Variants in FBXW4 observed in about 807,000 individuals in gnomAD.
FBXW4 encodes the protein F-box/WD repeat-containing protein 4.
A neutral mutation model predicts 61.8 loss-of-function variants in FBXW4; 40 were observed. The observed-to-expected ratio is 0.65, with a 90% CI of 0.50 to 0.84. The LOEUF (loss-of-function observed/expected upper bound fraction) is 0.84. Among genes scored for constraint, FBXW4 ranks in the 40% least tolerant of loss-of-function variants. The pLI, the probability that FBXW4 is intolerant of heterozygous loss-of-function variation, is 0.00. For missense variants in FBXW4, 672 were observed against 753.8 expected (o/e 0.89, Z 1.27); for synonymous variants, 311 against 313.8 (o/e 0.99, Z 0.10).
At position 101,681,388 on chromosome 10, in the gene FBXW4, CA is replaced by C. The variant is rs769305940; in HGVS notation, c.726-4953del. ...GGGCGACAAGAGCGAAACTCCGTCT[CA>C]AAAAAAAAAAATAATAATAATAATA... On this transcript the variant is annotated intron_variant, in intron 1 of 8. Coordinates refer to ENST00000331272, the MANE Select transcript of FBXW4 (RefSeq NM_022039.4). 8.1e-3 allele frequency among the ~76,000 whole-genome samples: 1,093 copies of C among 134,174 alleles called. 14 individuals are homozygous for C. Among genetic ancestry groups the C allele is most frequent in the African/African-American group, 0.027 (949 of 35,000 alleles). The allele number at this position is 134,174 out of a possible 152,430, so 88.0% of individuals were successfully genotyped here. A position where few individuals can be genotyped will look rare whatever the true frequency, so the allele number is the denominator to read the frequency against.
chr10:101,681,482 C>T (rs2064475565), intron 1 of FBXW4, among the ~76,000 whole-genome samples: 1 of 150,540 alleles, frequency 6.6e-6, no homozygotes, highest in South Asian at 2.1e-4. Flanking sequence ...CTTTGGGAGG[C>T]CGAGGCAGGC....
intron 5 of FBXW4, among the ~76,000 whole-genome samples, chr10:101,656,709 C>T (rs948792417): frequency 9.2e-5 from 14 of 152,270 alleles, no homozygotes; most frequent in Non-Finnish European, 2.1e-4. Context: ...GAGGAAGAGG[C>T]AGCAGGGCAA....
At chr10:101,653,905 G>A (rs892400453) in intron 5 of FBXW4, among the ~76,000 whole-genome samples, 3 of 151,896 alleles carry the variant, frequency 2.0e-5, no homozygotes, top group African/African-American at 7.3e-5. Context: ...GGTGGATCAC[G>A]AGGTCAAGAG....
chr10:101,651,123 C>T (rs1186257698), intron 5 of FBXW4, among the ~76,000 whole-genome samples: 2 of 152,160 alleles, frequency 1.3e-5, no homozygotes, highest in Non-Finnish European at 2.9e-5. Context: ...AGTCTCTGAG[C>T]CCCCAGCTCT....
At chr10:101,676,562 G>C (rs1419366733) in intron 1 of FBXW4, 126 bp from the exon 2 acceptor site, 1 of 672,526 alleles carries the variant, frequency 1.5e-6, no homozygotes, top group Non-Finnish European at 2.5e-6. Flanking sequence ...AGGAGACCAG[G>C]AAGGAGTAAC....
intron 5 of FBXW4, among the ~76,000 whole-genome samples, chr10:101,646,527 G>A (rs569583068): frequency 1.3e-5 from 2 of 152,356 alleles, no homozygotes; most frequent in African/African-American, 2.4e-5. Context: ...CAACAAAGCC[G>A]GGGCTTGTTG....
In FBXW4 at chr10:101,695,016, C is replaced by G. The variant is rs962953514; in HGVS notation, c.90G>C (p.Arg30Ser). ...CCTTCCTTCGCTTCCCCCTCGCCAC[C>G]CTCCCTTCCTGCAGCTTCCTCGCCT... is the stretch of plus-strand genomic sequence containing the variant. Reference protein sequence around the residue: ...GGEARKLQEGRVARGKRRKGK... With the variant: ...GGEARKLQEGSVARGKRRKGK... Residue 30 changes from arginine (R) to serine (S), a missense_variant, in exon 1 of 9, where the codon AGG (arginine) becomes AGC (serine). Physicochemically the swap from Arg to Ser is moderately radical, Grantham distance 110. Around this residue, in one of 5 missense-constraint regions of FBXW4, gnomAD observed 38 missense variants for 43.3 expected, o/e 0.88. Transcript: ENST00000331272. The surrounding 1 kb of genome is among the most constrained non-coding windows in gnomAD (Gnocchi z 4.2). 2 of 1,072,588 alleles carry G rather than the reference C, an allele frequency of 1.9e-6. No homozygotes were observed. Among genetic ancestry groups the G allele is most frequent in the East Asian group, 5.9e-5 (1 of 17,056 alleles). The allele number at this position is 1,072,588 out of a possible 1,614,324, so 66.4% of individuals were successfully genotyped here. A position where few individuals can be genotyped will look rare whatever the true frequency, so the allele number is the denominator to read the frequency against.
In FBXW4 at chr10:101,694,767, T is replaced by C. The variant is rs2064658770; in HGVS notation, c.339A>G (p.Gln113=). 2.2e-6 allele frequency: 3 copies of C among 1,350,740 alleles called. No homozygotes were observed. Among genetic ancestry groups the C allele is most frequent in the South Asian group, 1.9e-5 (1 of 53,508 alleles). The allele number at this position is 1,350,740 out of a possible 1,614,324, so 83.7% of individuals were successfully genotyped here. A position where few individuals can be genotyped will look rare whatever the true frequency, so the allele number is the denominator to read the frequency against. The change falls in exon 1 of 9, where the codon CAA becomes CAG. Residue 113 remains glutamine, a synonymous_variant. Coordinates refer to ENST00000331272, the MANE Select transcript of FBXW4 (RefSeq NM_022039.4). The surrounding 1 kb of genome is among the most constrained non-coding windows in gnomAD (Gnocchi z 6.0). ...EGSAGAGKEA[Q]GREYGKKEEW... is the part of the protein sequence containing the mutation. ...CCTCCTTCTTCCCATACTCTCTTCC[T>C]TGTGCCTCCTTCCCGGCCCCTGCGC...
At chr10:101,675,394 T>C (rs2064397878) in intron 2 of FBXW4, among the ~76,000 whole-genome samples, 1 of 152,146 alleles carries the variant, frequency 6.6e-6, no homozygotes, top group African/African-American at 2.4e-5. Context: ...GGCAGCCTGG[T>C]AACTGTTCTG....
intron 5 of FBXW4, chr10:101,625,190 G>C (rs1333102557): frequency 8.4e-6 from 2 of 237,636 alleles, no homozygotes; most frequent in East Asian, 2.0e-4. Flanking sequence ...ACAGAAAAGG[G>C]CTCCAGGGAA....
At chr10:101,684,418 G>A (rs907047913) in intron 1 of FBXW4, among the ~76,000 whole-genome samples, 2 of 152,106 alleles carry the variant, frequency 1.3e-5, no homozygotes, top group African/African-American at 2.4e-5. Flanking sequence ...GAGCCACTGC[G>A]CCTGGCCTAC....
At chr10:101,668,070 G>T in intron 4 of FBXW4, 90 bp from the exon 5 acceptor site, 1 of 957,938 alleles carries the variant, frequency 1.0e-6, no homozygotes, top group Non-Finnish European at 1.7e-6. Context: ...GTTGGAGGTG[G>T]AGAAATGGGG....
intron 2 of FBXW4, 58 bp downstream of exon 2, chr10:101,676,283 A>G: frequency 6.8e-7 from 1 of 1,464,570 alleles, no homozygotes; most frequent in South Asian, 1.2e-5. Flanking sequence ...CAGATTTTTT[A>G]CTTTCCATTA....
intron 5 of FBXW4, among the ~76,000 whole-genome samples, chr10:101,646,560 C>T (rs1362482590): frequency 6.6e-6 from 1 of 152,240 alleles, no homozygotes; most frequent in African/African-American, 2.4e-5. Flanking sequence ...CCTTTGCTTG[C>T]TTGGGCTGGG....
At chr10:101,637,424 T>C (rs2064013871) in intron 5 of FBXW4, among the ~76,000 whole-genome samples, 1 of 134,098 alleles carries the variant, frequency 7.5e-6, no homozygotes, top group East Asian at 2.3e-4. Context: ...AAAGCCACCA[T>C]GAGCCAGGCA....
intron 1 of FBXW4, chr10:101,676,688 G>C: frequency 9.2e-6 from 1 of 108,668 alleles, no homozygotes; most frequent in Admixed American, 1.5e-4. Flanking sequence ...GACAATCCTG[G>C]AACCACTGGA....
intron 5 of FBXW4, among the ~76,000 whole-genome samples, chr10:101,657,822 G>A (rs567654653): frequency 1.3e-5 from 2 of 152,174 alleles, no homozygotes; most frequent in East Asian, 3.9e-4. Flanking sequence ...ATTCTTTATT[G>A]TCATCATGTG....
intron 1 of FBXW4, among the ~76,000 whole-genome samples, chr10:101,686,332 G>A (rs2064533108): frequency 6.6e-6 from 1 of 152,140 alleles, no homozygotes; most frequent in South Asian, 2.1e-4. Context: ...ATCCCCAATG[G>A]ACATTGTGAT....
chr10:101,629,061 T>C (rs957489410), intron 5 of FBXW4, among the ~76,000 whole-genome samples: 3 of 152,080 alleles, frequency 2.0e-5, no homozygotes, highest in African/African-American at 7.2e-5. Flanking sequence ...AGTTGAGAGA[T>C]TAAAAATAAC....
Sources: allele counts gnomAD v4.1 joint callset (sites outside exome capture counted in the v4.1 genomes callset), GRCh38; gene constraint gnomAD v4.1.1; regional missense constraint gnomAD v4.1.1; non-coding constraint Gnocchi (gnomAD v3.1); transcripts MANE v1.5; gene names NCBI Gene and HGNC (gene_info 2026-07-23, HGNC 2026-07-21).